The following PCDHGB2 variants were observed in gnomAD, a reference collection of about 807,000 sequenced individuals.
The protein encoded by PCDHGB2 is protocadherin gamma-B2.
A neutral mutation model predicts 59.3 loss-of-function variants in PCDHGB2; 55 were observed. The ratio of observed to expected loss-of-function variants is 0.93; its 90% CI spans 0.75 to 1.16. The LOEUF (loss-of-function observed/expected upper bound fraction) is 1.16, where lower values mean the gene tolerates loss of function less well. Ranked by LOEUF, PCDHGB2 falls within the 50% of genes most tolerant of loss-of-function variation. PCDHGB2 has a pLI of 0.00. For missense variants in PCDHGB2, 1,228 were observed against 1,198.5 expected, an observed-to-expected ratio of 1.02 and a Z score of -0.36; for synonymous variants, 516 against 512.0, an observed-to-expected ratio of 1.01 and a Z score of -0.11.
chr5:141,491,826 C>G lies in PCDHGB2; in HGVS notation c.2422-2981C>G. ...GGCTTGGTCGCTGGCTGCGCTCCAC[C>G]CGATTCTCGGGATCATTGGACCGTT... On this transcript the variant is annotated intron_variant, in intron 1 of 3. Coordinates refer to ENST00000522605, the MANE Select transcript of PCDHGB2 (RefSeq NM_018923.3). The surrounding 1 kb of genome is among the most constrained non-coding windows in gnomAD (Gnocchi z 6.9). 1 of 1,477,526 alleles carries G rather than the reference C, an allele frequency of 6.8e-7. No individual in the cohort carries two copies. The highest frequency in any genetic ancestry group is 9.0e-7 in the Non-Finnish European group (1 of 1,114,486). 91.5% of individuals were successfully genotyped at this position (1,477,526 alleles called of 1,614,324 possible). A position where few individuals can be genotyped will look rare whatever the true frequency, so the allele number is the denominator to read the frequency against.
intron 1 of PCDHGB2, chr5:141,408,692 A>C: frequency 6.2e-7 from 1 of 1,613,906 alleles, no homozygotes; most frequent in Non-Finnish European, 8.5e-7. Context: ...TGATATAAAC[A>C]TAAACTCAAT....
chr5:141,505,259 C>A, intron 2 of PCDHGB2, 134 bp from the exon 3 acceptor site: 1 of 1,500,262 alleles, frequency 6.7e-7, no homozygotes, highest in Non-Finnish European at 8.9e-7. Context: ...GTGCCTCCTA[C>A]CTTGCTGAGA....
At chr5:141,384,568 G>A (rs1780218340) in intron 1 of PCDHGB2, 1 of 1,614,118 alleles carries the variant, frequency 6.2e-7, no homozygotes, top group Non-Finnish European at 8.5e-7. Context: ...GGACCAGAAT[G>A]ACAACCCGCC....
At chr5:141,369,244 TTAAA>T (rs1159204045) in intron 1 of PCDHGB2, among the ~76,000 whole-genome samples, 2 of 152,116 alleles carry the variant, frequency 1.3e-5, no homozygotes, top group Admixed American at 1.3e-4. Flanking sequence ...ACTTATATAA[TTAAA>T]TAATATAATT....
chr5:141,463,616 T>C (rs941383375), intron 1 of PCDHGB2, among the ~76,000 whole-genome samples: 28 of 151,762 alleles, frequency 1.8e-4, no homozygotes, highest in Non-Finnish European at 2.1e-4. Flanking sequence ...GCCCGGCTAA[T>C]TTTTTGTATT....
intron 1 of PCDHGB2, among the ~76,000 whole-genome samples, chr5:141,406,925 G>A (rs1003832711): frequency 2.0e-5 from 3 of 152,268 alleles, no homozygotes; most frequent in African/African-American, 7.2e-5. Flanking sequence ...AGAGAATAAT[G>A]TATTATTTAA....
intron 1 of PCDHGB2, chr5:141,394,742 G>T: frequency 1.2e-6 from 2 of 1,613,420 alleles, no homozygotes; most frequent in Non-Finnish European, 1.7e-6. Flanking sequence ...AGAGCCTCGT[G>T]GTGGCCGTCC....
intron 1 of PCDHGB2, chr5:141,418,063 G>C (rs2015825): frequency 1.9e-6 from 3 of 1,613,754 alleles, no homozygotes; most frequent in Admixed American, 1.7e-5. Flanking sequence ...AGCTGCGAGT[G>C]AGCGCGGAGA....
chr5:141,365,146 A>T (rs780914811), intron 1 of PCDHGB2: 6 of 1,613,932 alleles, frequency 3.7e-6, no homozygotes, highest in Non-Finnish European at 4.2e-6. Flanking sequence ...CAGATGAGGG[A>T]ATAAACGGGA....
At chr5:141,430,931 G>C (rs781580216) in intron 1 of PCDHGB2, 2 of 1,607,530 alleles carry the variant, frequency 1.2e-6, no homozygotes, top group Admixed American at 1.7e-5. Flanking sequence ...GGAGCCCCGG[G>C]AGCTCGCGGA....
Position 141,487,071 on chromosome 5 carries a change from C to A in PCDHGB2, c.2422-7736C>A. On this transcript the variant is annotated intron_variant, in intron 1 of 3. Coordinates refer to ENST00000522605, the MANE Select transcript of PCDHGB2 (RefSeq NM_018923.3). The surrounding 1 kb of genome is among the most constrained non-coding windows in gnomAD (Gnocchi z 5.0). ...GCTGGGGAGGTGCGGACGGCTGTTC[C>A]TATCCCAGCTGACCTCCCACCACAG... is the stretch of plus-strand genomic sequence containing the variant. The A allele has an allele frequency of 6.2e-7, 1 of 1,614,148 alleles. No individual in the cohort carries two copies. Among genetic ancestry groups the A allele is most frequent in the Non-Finnish European group, 8.5e-7 (1 of 1,180,002 alleles).
Position 141,489,653 on chromosome 5 carries a change from G to A in PCDHGB2, c.2422-5154G>A, listed in dbSNP as rs752269910. 2.0e-5 allele frequency: 33 copies of A among 1,614,164 alleles called. No individual in the cohort carries two copies. In the East Asian group the frequency reaches 4.9e-4, roughly 24 times the overall value. ...TCTCCTAGCTTTGCCACCCCTGAGC[G>A]AGAGATGCGCATCTCAGAATCAGCA... On this transcript the variant is annotated intron_variant, in intron 1 of 3. Transcript: ENST00000522605. This position sits in a 1 kb window ranked among gnomAD's most constrained non-coding sequence, Gnocchi z 4.5.
At chr5:141,389,552 T>C (rs752525339) in intron 1 of PCDHGB2, 14 of 1,613,104 alleles carry the variant, frequency 8.7e-6, no homozygotes, top group East Asian at 6.7e-5. Context: ...GCAACGACAA[T>C]GCGCCACGGG....
chr5:141,360,898 G>T lies in PCDHGB2; in HGVS notation c.763G>T (p.Val255Leu). The T allele has an allele frequency of 6.2e-7, 1 of 1,614,040 alleles. No homozygotes were observed. The highest frequency in any genetic ancestry group is 1.1e-5 in the South Asian group (1 of 91,086). ...GTACAGGGTCACCCTGAGGGAGGACGTGCCGCCGGGCTTCTTTGTGCTTCA... is the reference window on the plus strand; with the variant it reads ...GTACAGGGTCACCCTGAGGGAGGACTTGCCGCCGGGCTTCTTTGTGCTTCA... Reference protein sequence around the residue: ...DVYRVTLREDVPPGFFVLQVT... With the variant: ...DVYRVTLREDLPPGFFVLQVT... Residue 255 changes from valine to leucine, a missense_variant, in exon 1 of 4, where the codon GTG (valine) becomes TTG (leucine). Val to Leu is a conservative substitution (Grantham distance 32). This residue lies in a region of PCDHGB2 where 781 missense variants were observed against 721.6 expected (regional missense o/e 1.08). Transcript: ENST00000522605.
chr5:141,456,324 G>T (rs757059960), intron 1 of PCDHGB2, among the ~76,000 whole-genome samples: 15 of 152,166 alleles, frequency 9.9e-5, no homozygotes, highest in Non-Finnish European at 2.9e-5. Context: ...TCCTCCTGGG[G>T]TTGATCTAAG....
At chr5:141,395,264 A>G in intron 1 of PCDHGB2, 1 of 1,549,832 alleles carries the variant, frequency 6.5e-7, no homozygotes, top group Non-Finnish European at 8.7e-7. Flanking sequence ...GCTTGCTTTT[A>G]ATTTCCAGAT....
intron 1 of PCDHGB2, chr5:141,384,391 G>A: frequency 1.2e-6 from 2 of 1,613,920 alleles, no homozygotes; most frequent in Non-Finnish European, 1.7e-6. Context: ...CACCATCCAG[G>A]GGGCTCCAGT....
intron 1 of PCDHGB2, chr5:141,404,584 C>T: frequency 6.2e-7 from 1 of 1,613,980 alleles, no homozygotes; most frequent in Non-Finnish European, 8.5e-7. Flanking sequence ...CACTTAGCAG[C>T]AATGTGTCAT....
At chr5:141,466,279 T>A (rs1386803685) in intron 1 of PCDHGB2, among the ~76,000 whole-genome samples, 1 of 152,144 alleles carries the variant, frequency 6.6e-6, no homozygotes, top group Non-Finnish European at 1.5e-5. Flanking sequence ...CAAGCAATCT[T>A]CCCACCTCAG....
Sources: allele counts gnomAD v4.1 joint callset (sites outside exome capture counted in the v4.1 genomes callset), GRCh38; gene constraint gnomAD v4.1.1; regional missense constraint gnomAD v4.1.1; non-coding constraint Gnocchi (gnomAD v3.1); transcripts MANE v1.5; gene names NCBI Gene and HGNC (gene_info 2026-07-23, HGNC 2026-07-21).